Variants in PIP5KL1 observed in about 807,000 individuals in gnomAD.
The protein encoded by PIP5KL1 is phosphatidylinositol-4-phosphate 5-kinase like 1.
Under a neutral mutation model 47.6 loss-of-function variants are expected in PIP5KL1, and 45 were observed. That is an observed-to-expected ratio of 0.94 (90% confidence interval 0.74 to 1.21). The LOEUF is 1.21. Ranked by LOEUF, PIP5KL1 falls within the 50% of genes most tolerant of loss-of-function variation. PIP5KL1 has a pLI of 0.00. For synonymous variants in PIP5KL1, 256 were observed against 234.6 expected, an observed-to-expected ratio of 1.09 and a Z score of -0.84; for missense variants, 577 against 547.6, an observed-to-expected ratio of 1.05 and a Z score of -0.54.
chr9:127,922,046 G>C lies in PIP5KL1; in HGVS notation c.986C>G (p.Pro329Arg). ...AQNRRLLPDA[P>R]NALHILDGPE... is the part of the protein sequence containing the mutation. ...CCCGTCCAGGATGTGTAGGGCGTTG[G>C]GGGCGTCGGGCAGCAGCCGGCGGTT... Residue 329 changes from proline to arginine, a missense_variant, in exon 10 of 10, where the codon CCC (proline) becomes CGC (arginine). Transcript: ENST00000388747. 1 of 1,568,262 alleles carries C rather than the reference G, an allele frequency of 6.4e-7. No homozygotes were observed. The highest frequency in any genetic ancestry group is 1.2e-5 in the South Asian group (1 of 85,952).
At chr9:127,922,706 A>AAAAAAG (rs1554720836) in intron 9 of PIP5KL1, among the ~76,000 whole-genome samples, 3 of 146,276 alleles carry the variant, frequency 2.1e-5, no homozygotes, top group East Asian at 2.0e-4. Context: ...AAAAAAAAAA[A>AAAAAAG]AAAAAGAAAA....
chr9:127,925,192 G>C lies in PIP5KL1; in HGVS notation c.832C>G (p.Leu278Val). The change falls in exon 9 of 10, where the codon CTG becomes GTG. Residue 278 changes from leucine (L) to valine (V), a missense_variant. Coordinates refer to ENST00000388747, the MANE Select transcript of PIP5KL1 (RefSeq NM_001135219.2). ...AAGGCTATCAGGAGGCTGTAATCCA[G>C]CACGTTGAGCTCCCGGAGGAAGGTG... Reference protein sequence around the residue: ...DTTFLRELNVLDYSLLIAFQR... With the variant: ...DTTFLRELNVVDYSLLIAFQR... 6.2e-7 allele frequency: 1 copy of C among 1,614,002 alleles called. No homozygotes were observed. Among genetic ancestry groups the C allele is most frequent in the Non-Finnish European group, 8.5e-7 (1 of 1,180,058 alleles).
Position 127,921,620 on chromosome 9 carries a change from A to T in PIP5KL1, c.*227T>A. The T allele has an allele frequency of 3.3e-6, 2 of 603,856 alleles. No homozygotes were observed. Among genetic ancestry groups the T allele is most frequent in the Non-Finnish European group, 5.7e-6 (2 of 351,388 alleles). The allele number at this position is 603,856 out of a possible 1,614,324, so 37.4% of individuals were successfully genotyped here. ...ATTTCATGGTCTGTAAAAAGAGAAT[A>T]ATAGCATTTTTTGAGGATTAAATGA... On this transcript the variant is annotated 3_prime_UTR_variant, in exon 10 of 10. Transcript: ENST00000388747.
rs369220019 is a variant in PIP5KL1, at chr9:127,927,205, A to T, written c.598T>A (p.Tyr200Asn). Residue 200 changes from tyrosine to asparagine, a missense_variant, in exon 7 of 10, where the codon TAC (tyrosine) becomes AAC (asparagine). By Grantham distance (143) the Tyr-to-Asn change is moderately radical. Coordinates refer to ENST00000388747, the MANE Select transcript of PIP5KL1 (RefSeq NM_001135219.2). The surrounding 1 kb of genome is among the most constrained non-coding windows in gnomAD (Gnocchi z 5.5). ...AAGACGCTCTGCATGACGATGAAGT[A>T]CGTCTGGGGGCCGGGACAGGGAGTG... ...SLRVDRGKKT[Y>N]FIVMQSVFYP... 2.5e-5 allele frequency: 41 copies of T among 1,613,066 alleles called. No individual in the cohort carries two copies. The highest frequency in any genetic ancestry group is 1.0e-4 in the Admixed American group (6 of 59,936).
rs980740849 is a variant in PIP5KL1, at chr9:127,929,124, C to T, written c.228+564G>A. Among the ~76,000 whole-genome samples, 2 of 152,100 alleles carry T rather than the reference C, an allele frequency of 1.3e-5. No homozygotes were observed. The highest frequency in any genetic ancestry group is 3.9e-4 in the East Asian group (2 of 5,190). On this transcript the variant is annotated intron_variant, in intron 2 of 9. Transcript: ENST00000388747. This position sits in a 1 kb window ranked among gnomAD's most constrained non-coding sequence, Gnocchi z 4.0. Reference sequence around the variant, plus strand: ...TGAGGTCAGTTTGTGATTTAGAGAACTCCCTCGAGTCTCTACACTTTCCCT... The same window carrying T: ...TGAGGTCAGTTTGTGATTTAGAGAATTCCCTCGAGTCTCTACACTTTCCCT...
In PIP5KL1 at chr9:127,921,928, G is replaced by A; in HGVS notation, c.1104C>T (p.Tyr368=). 6.3e-7 allele frequency: 1 copy of A among 1,577,306 alleles called. No individual in the cohort carries two copies. Among genetic ancestry groups the A allele is most frequent in the South Asian group, 1.2e-5 (1 of 86,588 alleles). Residue 368 remains tyrosine, a synonymous_variant, in exon 10 of 10, where the codon TAC becomes TAT. Transcript: ENST00000388747. ...TGACAGTGGAGAAGGTCCGGCCTGGGTAGCGCAGTGTCTTCCACAGGTGCT... is the reference window on the plus strand; with the variant it reads ...TGACAGTGGAGAAGGTCCGGCCTGGATAGCGCAGTGTCTTCCACAGGTGCT... ...RLEHLWKTLR[Y]PGRTFSTVSP...
chr9:127,927,841 C>T lies in PIP5KL1; in HGVS notation c.435-69G>A. ...GCGGCTCCCACCCGGCCCCCTTCCC[C>T]GACCTGTGCACGTGGATCTCGCTCC... On this transcript the variant is annotated intron_variant, in intron 4 of 9. Transcript: ENST00000388747. The surrounding 1 kb of genome is among the most constrained non-coding windows in gnomAD (Gnocchi z 5.5). 1 of 1,518,932 alleles carries T rather than the reference C, an allele frequency of 6.6e-7. No individual in the cohort carries two copies. The highest frequency in any genetic ancestry group is 2.5e-5 in the East Asian group (1 of 40,590). The allele number at this position is 1,518,932 out of a possible 1,614,324, so 94.1% of individuals were successfully genotyped here.
intron 8 of PIP5KL1, 30 bp from the exon 9 acceptor site, chr9:127,925,290 C>T (rs769576486): frequency 8.1e-6 from 13 of 1,605,546 alleles, no homozygotes; most frequent in African/African-American, 4.0e-5. Flanking sequence ...CCCACCTGAG[C>T]GCTCATCATG....
intron 7 of PIP5KL1, among the ~76,000 whole-genome samples, 197 bp from the exon 8 acceptor site, chr9:127,926,176 TTCTC>T (rs1491436127): frequency 6.6e-6 from 1 of 151,676 alleles, no homozygotes; most frequent in East Asian, 1.9e-4. Context: ...TTTTCTTTCT[TTCTC>T]TCTCTTCTCT....
At chr9:127,923,712 C>T (rs1440343372) in intron 9 of PIP5KL1, among the ~76,000 whole-genome samples, 2 of 152,202 alleles carry the variant, frequency 1.3e-5, no homozygotes, top group Admixed American at 6.5e-5. Flanking sequence ...GGAGGGGTGG[C>T]GGCTGGACCT....
chr9:127,921,792 G>A lies in PIP5KL1; in HGVS notation c.*55C>T, dbSNP rs1831284181. On this transcript the variant is annotated 3_prime_UTR_variant, in exon 10 of 10. Coordinates refer to ENST00000388747, the MANE Select transcript of PIP5KL1 (RefSeq NM_001135219.2). ...CGAGATGCCCGGGCCCGGGGGAACCGGCGTTCCTGGCGTGAGCCCATCGTC... is the reference window on the plus strand; with the variant it reads ...CGAGATGCCCGGGCCCGGGGGAACCAGCGTTCCTGGCGTGAGCCCATCGTC... 2.3e-5 allele frequency: 34 copies of A among 1,507,322 alleles called. No homozygotes were observed. Among genetic ancestry groups the A allele is most frequent in the Non-Finnish European group, 2.9e-5 (33 of 1,129,336 alleles). 93.4% of individuals were successfully genotyped at this position (1,507,322 alleles called of 1,614,324 possible). A position where few individuals can be genotyped will look rare whatever the true frequency, so the allele number is the denominator to read the frequency against.
rs905151535 is a variant in PIP5KL1, at chr9:127,921,842, G to A, written c.*5C>T. The A allele has an allele frequency of 4.5e-6, 7 of 1,567,972 alleles. No homozygotes were observed. In the African/African-American group the frequency reaches 5.4e-5, roughly 12 times the overall value. ...CCAGATCCGGAGAGTGGGGCCGGGC[G>A]CCCGTCACTCCGTGTGCGCCTCCAC... On this transcript the variant is annotated 3_prime_UTR_variant, in exon 10 of 10. Coordinates refer to ENST00000388747, the MANE Select transcript of PIP5KL1 (RefSeq NM_001135219.2).
rs1831405748 is a variant in PIP5KL1 at position 127,929,254 on chromosome 9, A to G, written c.228+434T>C. 6.6e-6 allele frequency among the ~76,000 whole-genome samples: 1 copy of G among 152,092 alleles called. No homozygotes were observed. Among genetic ancestry groups the G allele is most frequent in the African/African-American group, 2.4e-5 (1 of 41,412 alleles). On this transcript the variant is annotated intron_variant, in intron 2 of 9. Transcript: ENST00000388747. The surrounding 1 kb of genome is among the most constrained non-coding windows in gnomAD (Gnocchi z 4.0). ...CACACATGCTCACCCAGGCCCGCCC[A>G]GCTGCTGAGCTTGCAGTTGGGCCAC...
intron 9 of PIP5KL1, among the ~76,000 whole-genome samples, chr9:127,922,656 T>C (rs1831300801): frequency 2.3e-5 from 3 of 129,922 alleles, no homozygotes; most frequent in South Asian, 4.5e-4. Context: ...TATCTTGCCA[T>C]TGTACTCCAG....
intron 9 of PIP5KL1, among the ~76,000 whole-genome samples, chr9:127,923,158 G>C (rs1382707092): frequency 2.6e-5 from 4 of 152,186 alleles, no homozygotes; most frequent in Non-Finnish European, 5.9e-5. Flanking sequence ...TTGGCAGGGC[G>C]CCCAGTCCCA....
At position 127,930,710 on chromosome 9, in the gene PIP5KL1, G is replaced by T. The variant is rs1303720210; in HGVS notation, c.30+13C>A. 1 of 1,570,606 alleles carries T rather than the reference G, an allele frequency of 6.4e-7. No homozygotes were observed. The highest frequency in any genetic ancestry group is 8.6e-7 in the Non-Finnish European group (1 of 1,161,702). On this transcript the variant is annotated intron_variant, in intron 1 of 9. Transcript: ENST00000388747. ...CCCTTCCCTCTCCTGTCCTCTCTCG[G>T]GTCCGCACCTACCTCGCGGGGCCCC... is the stretch of plus-strand genomic sequence containing the variant.
rs1831283487 is a variant in PIP5KL1, at chr9:127,921,757, G to T, written c.*90C>A. 3 of 1,448,986 alleles carry T rather than the reference G, an allele frequency of 2.1e-6. No homozygotes were observed. The Admixed American group carries it at 7.1e-5, about 34-fold the overall frequency. The allele number at this position is 1,448,986 out of a possible 1,614,324, so 89.8% of individuals were successfully genotyped here. ...GCTGCCCTCTGGCGACCATCAGGAG[G>T]AAGCGCAGGCGAGATGCCCGGGCCC... On this transcript the variant is annotated 3_prime_UTR_variant, in exon 10 of 10. Coordinates refer to ENST00000388747, the MANE Select transcript of PIP5KL1 (RefSeq NM_001135219.2).
chr9:127,926,026 A>C, intron 7 of PIP5KL1, 47 bp from the exon 8 acceptor site: 2 of 1,400,192 alleles, frequency 1.4e-6, no homozygotes, highest in Non-Finnish European at 2.0e-6. Context: ...TGAGACACAG[A>C]GAGAATCTCA....
intron 9 of PIP5KL1, among the ~76,000 whole-genome samples, chr9:127,924,377 C>G (rs1166430801): frequency 6.6e-6 from 1 of 151,930 alleles, no homozygotes; most frequent in Non-Finnish European, 1.5e-5. Context: ...GTAATCCCAG[C>G]TACTCAGGAG....
Sources: gnomAD v4.1 joint callset for allele counts (sites outside exome capture counted in the v4.1 genomes callset) on GRCh38, gnomAD v4.1.1 for gene constraint, Gnocchi (gnomAD v3.1) non-coding constraint, MANE v1.5 for transcripts, NCBI Gene and HGNC (gene_info 2026-07-23, HGNC 2026-07-21) for gene names.